Variants in DOK6 observed in about 807,000 individuals in gnomAD.
DOK6 encodes the protein downstream of tyrosine kinase 6.
Under a neutral mutation model 44.0 loss-of-function variants are expected in DOK6, and 22 were observed. The observed-to-expected ratio is 0.50, with a 90% CI of 0.36 to 0.71. The LOEUF is 0.71. Among genes scored for constraint, DOK6 ranks in the 30% least tolerant of loss-of-function variants. DOK6 has a pLI of 0.00. For synonymous variants in DOK6, 166 were observed against 145.5 expected, an observed-to-expected ratio of 1.14 and a Z score of -1.01; for missense variants, 340 against 416.4, an observed-to-expected ratio of 0.82 and a Z score of 1.60.
chr18:69,732,600 AAAAAT>A (rs1978448504), intron 5 of DOK6, among the ~76,000 whole-genome samples: 1 of 152,214 alleles, frequency 6.6e-6, no homozygotes, highest in Admixed American at 6.5e-5. Flanking sequence ...AAAGAAAAGA[AAAAAT>A]AAACAGAATA....
At chr18:69,471,846 T>G (rs17765268) in intron 1 of DOK6, 1 of 152,042 alleles carries the variant, frequency 6.6e-6, no homozygotes, top group Non-Finnish European at 1.5e-5. Flanking sequence ...AATCACCTGA[T>G]ACAATTTGCC....
chr18:69,492,184 G>A (rs946660788), intron 1 of DOK6, among the ~76,000 whole-genome samples: 8 of 152,000 alleles, frequency 5.3e-5, no homozygotes, highest in East Asian at 1.9e-4. Context: ...GAAAATATAC[G>A]ATAGGAACCA....
At chr18:69,691,667 A>T (rs1415887417) in intron 4 of DOK6, among the ~76,000 whole-genome samples, 4 of 152,218 alleles carry the variant, frequency 2.6e-5, no homozygotes, top group Admixed American at 6.5e-5. Context: ...TGGATCAGCA[A>T]CTGGACAAGA....
intron 4 of DOK6, among the ~76,000 whole-genome samples, chr18:69,685,724 A>T (rs536584924): frequency 1.3e-5 from 2 of 152,318 alleles, no homozygotes; most frequent in African/African-American, 4.8e-5. Flanking sequence ...AAAATCTACC[A>T]TTGATTTTAG....
chr18:69,812,471 G>A (rs1981270758), intron 7 of DOK6, among the ~76,000 whole-genome samples: 1 of 152,048 alleles, frequency 6.6e-6, no homozygotes. Context: ...GTTGTCAATG[G>A]CAACAAACGG....
intron 5 of DOK6, among the ~76,000 whole-genome samples, chr18:69,712,480 C>A (rs1986788543): frequency 6.6e-6 from 1 of 152,010 alleles, no homozygotes; most frequent in South Asian, 2.1e-4. Context: ...GGTGAAAGAA[C>A]ACCTAGACAG....
rs528689491 is a variant in DOK6, at chr18:69,474,395, C to T, written c.66+73085C>T. ...AGAAAAGCTTTGAAAGATTGAATGA[C>T]TCTGATGCTGAATTTTTCAGTTATG... On this transcript the variant is annotated intron_variant, in intron 1 of 7. Transcript: ENST00000382713. Among the ~76,000 whole-genome samples, 52 of 152,292 alleles carry T rather than the reference C, an allele frequency of 3.4e-4. No homozygotes were observed. The South Asian group carries it at 0.011, about 32-fold the overall frequency.
At chr18:69,528,083 A>G (rs1981883643) in intron 1 of DOK6, among the ~76,000 whole-genome samples, 1 of 151,290 alleles carries the variant, frequency 6.6e-6, no homozygotes, top group Non-Finnish European at 1.5e-5. Context: ...GAATGGCTTG[A>G]ACCCGGGAGG....
intron 1 of DOK6, among the ~76,000 whole-genome samples, chr18:69,507,030 TGTTGTGTTTTGTTTGAGACAGA>T (rs1452478026): frequency 3.8e-4 from 58 of 152,216 alleles, no homozygotes; most frequent in African/African-American, 1.3e-3. Flanking sequence ...TGTGTTTTTT[TGTTGTGTTTTGTTTGAGACAGA>T]GTCTTTGTCA....
intron 7 of DOK6, among the ~76,000 whole-genome samples, chr18:69,785,160 C>G (rs1414169529): frequency 1.3e-5 from 2 of 152,042 alleles, no homozygotes; most frequent in Non-Finnish European, 2.9e-5. Context: ...AATGACAGCC[C>G]AACATCAGCA....
rs532779473 is a variant in DOK6 at position 69,653,572 on chromosome 18, C to T, written c.290-24162C>T. ...AGGATCCACCAAGGAAGAGGGACTT[C>T]TGTAAATATCCCACATTTCTAGTGG... On this transcript the variant is annotated intron_variant, in intron 3 of 7. Coordinates refer to ENST00000382713, the MANE Select transcript of DOK6 (RefSeq NM_152721.6). 2.6e-5 allele frequency among the ~76,000 whole-genome samples: 4 copies of T among 152,268 alleles called. No individual in the cohort carries two copies. The South Asian group carries it at 8.3e-4, about 32-fold the overall frequency.
intron 4 of DOK6, among the ~76,000 whole-genome samples, chr18:69,693,899 A>G (rs1158222080): frequency 6.6e-6 from 1 of 151,796 alleles, no homozygotes; most frequent in Non-Finnish European, 1.5e-5. Flanking sequence ...TCTACTAAAA[A>G]TACAAAAAAA....
intron 6 of DOK6, among the ~76,000 whole-genome samples, chr18:69,743,387 A>G (rs1482959175): frequency 6.6e-6 from 1 of 152,250 alleles, no homozygotes; most frequent in South Asian, 2.1e-4. Context: ...TATCAAAAAA[A>G]GTTTTGACAC....
At chr18:69,405,557 G>C (rs1916189666) in intron 1 of DOK6, among the ~76,000 whole-genome samples, 1 of 151,462 alleles carries the variant, frequency 6.6e-6, no homozygotes, top group African/African-American at 2.4e-5. Context: ...TCTAGCCTGG[G>C]TGACAAAGCG....
intron 3 of DOK6, among the ~76,000 whole-genome samples, chr18:69,624,933 G>A (rs1183393491): frequency 6.6e-6 from 1 of 152,062 alleles, no homozygotes; most frequent in Non-Finnish European, 1.5e-5. Context: ...TTATTTTAAA[G>A]TTCCTGTACA....
At chr18:69,657,757 A>C (rs1985406043) in intron 3 of DOK6, among the ~76,000 whole-genome samples, 1 of 152,210 alleles carries the variant, frequency 6.6e-6, no homozygotes, top group Admixed American at 6.5e-5. Context: ...AAATTCGTGA[A>C]CTTGATAGGA....
intron 7 of DOK6, among the ~76,000 whole-genome samples, chr18:69,774,776 T>C (rs1980011651): frequency 6.6e-6 from 1 of 151,940 alleles, no homozygotes; most frequent in South Asian, 2.1e-4. Context: ...AAGGAGATGA[T>C]ACAGCAAATG....
intron 3 of DOK6, among the ~76,000 whole-genome samples, chr18:69,656,102 C>T (rs1985361977): frequency 6.6e-6 from 1 of 151,184 alleles, no homozygotes; most frequent in Non-Finnish European, 1.5e-5. Flanking sequence ...AAAAGCAACC[C>T]CAGAGAAAAA....
At chr18:69,623,040 C>G (rs182439910) in intron 3 of DOK6, among the ~76,000 whole-genome samples, 1 of 152,074 alleles carries the variant, frequency 6.6e-6, no homozygotes, top group Non-Finnish European at 1.5e-5. Context: ...CCTGGTGGGA[C>G]GTGATTGAAT....
Sources: gnomAD v4.1 joint callset for allele counts (sites outside exome capture counted in the v4.1 genomes callset) on GRCh38, gnomAD v4.1.1 for gene constraint, MANE v1.5 for transcripts, NCBI Gene and HGNC (gene_info 2026-07-23, HGNC 2026-07-21) for gene names.